The following RTKN variants were observed in gnomAD, a reference collection of about 807,000 sequenced individuals.
RTKN encodes rhotekin.
RTKN carries 49 observed loss-of-function variants against 63.5 expected under a neutral mutation model. The ratio of observed to expected loss-of-function variants is 0.77; its 90% CI spans 0.61 to 0.98. The LOEUF (loss-of-function observed/expected upper bound fraction) is 0.98, where lower values mean the gene tolerates loss of function less well. Ranked by LOEUF, RTKN falls within the 50% of genes least tolerant of loss-of-function variation. The probability of loss-of-function intolerance (pLI) is 0.00; values close to 1 mark genes in which losing one functional copy is unlikely to be tolerated. For missense variants in RTKN, 685 were observed against 740.8 expected (o/e 0.92, Z 0.87); for synonymous variants, 295 against 290.4 (o/e 1.02, Z -0.16).
In RTKN at chr2:74,426,293, C is replaced by T. The variant is rs2103867901; in HGVS notation, c.1642G>A (p.Gly548Ser). The part of the protein sequence containing the change: ...LPPQRSPRTR[G>S]LCSKGQPRTW... ...CGAGGTTGGCCTTTGCTGCAGAGGC[C>T]TCTGGTCCGTGGGGATCGCTGAGGT... Residue 548 changes from glycine (G) to serine (S), a missense_variant, in exon 12 of 12, where the codon GGC (glycine) becomes AGC (serine). Coordinates refer to ENST00000272430, the MANE Select transcript of RTKN (RefSeq NM_001015055.2). 6.2e-7 allele frequency: 1 copy of T among 1,614,070 alleles called. No homozygotes were observed. Among genetic ancestry groups the T allele is most frequent in the East Asian group, 2.2e-5 (1 of 44,876 alleles).
At position 74,426,281 on chromosome 2, in the gene RTKN, T is replaced by C; in HGVS notation, c.1654A>G (p.Lys552Glu). The part of the protein sequence containing the change: ...RSPRTRGLCS[K>E]GQPRTWLQSP... ...TGGAGCCAAGTGCGAGGTTGGCCTT[T>C]GCTGCAGAGGCCTCTGGTCCGTGGG... is the stretch of plus-strand genomic sequence containing the variant. The change falls in exon 12 of 12, where the codon AAA becomes GAA. Residue 552 changes from lysine (K) to glutamate (E), a missense_variant. By Grantham distance (56) the Lys-to-Glu change is moderately conservative. Transcript: ENST00000272430. 2 of 1,614,094 alleles carry C rather than the reference T, an allele frequency of 1.2e-6. No individual in the cohort carries two copies. Among genetic ancestry groups the C allele is most frequent in the Non-Finnish European group, 1.7e-6 (2 of 1,180,006 alleles).
rs749760622 is a variant in RTKN at position 74,426,556 on chromosome 2, TCATC to T, written c.1375_1378del (p.Asp459ThrfsTer5). The stretch of plus-strand genomic sequence containing the variant: ...CAGGATGTCTGTCACCGCTGCGATG[TCATC>T]CAGCGGCTCAATAGCTGTGGCACCA... On this transcript the variant is annotated frameshift_variant, in exon 12 of 12. Coordinates refer to ENST00000272430, the MANE Select transcript of RTKN (RefSeq NM_001015055.2). LOFTEE classifies it high-confidence loss of function. 2 of 1,532,172 alleles carry T rather than the reference TCATC, an allele frequency of 1.3e-6. No individual in the cohort carries two copies. Among genetic ancestry groups the T allele is most frequent in the Non-Finnish European group, 1.8e-6 (2 of 1,137,252 alleles). The allele number at this position is 1,532,172 out of a possible 1,614,324, so 94.9% of individuals were successfully genotyped here.
In RTKN at chr2:74,429,987, C is replaced by A; in HGVS notation, c.596G>T (p.Cys199Phe). 1 of 1,614,252 alleles carries A rather than the reference C, an allele frequency of 6.2e-7. No homozygotes were observed. The highest frequency in any genetic ancestry group is 8.5e-7 in the Non-Finnish European group (1 of 1,180,042). ...FELRLELYGA[C>F]VEEEGALTGG... ...AGTCAGGGCCCCCTCTTCTTCCACA[C>A]AGGCCCCATACAGCTCTAACCGCAG... Residue 199 changes from cysteine to phenylalanine, a missense_variant, in exon 6 of 12, where the codon TGT (cysteine) becomes TTT (phenylalanine). Transcript: ENST00000272430.
At position 74,427,408 on chromosome 2, in the gene RTKN, C is replaced by T; in HGVS notation, c.1255+16G>A. On this transcript the variant is annotated intron_variant, in intron 10 of 11. Transcript: ENST00000272430. The stretch of plus-strand genomic sequence containing the variant: ...AGTTCTTCCCAAAGGTTCAACCCAG[C>T]CCCCTTCTCTCTTACTCATGTCAAA... 6.2e-7 allele frequency: 1 copy of T among 1,613,664 alleles called. No individual in the cohort carries two copies. Among genetic ancestry groups the T allele is most frequent in the East Asian group, 2.2e-5 (1 of 44,884 alleles).
At chr2:74,439,176 C>T (rs886785359) in intron 1 of RTKN, among the ~76,000 whole-genome samples, 1 of 152,208 alleles carries the variant, frequency 6.6e-6, no homozygotes, top group South Asian at 2.1e-4. Context: ...CCAGCAGAAT[C>T]CTTACTCATA....
At position 74,426,246 on chromosome 2, in the gene RTKN, C is replaced by T. The variant is rs1670379604; in HGVS notation, c.1689G>A (p.Val563=). The T allele has an allele frequency of 1.2e-6, 2 of 1,613,576 alleles. No individual in the cohort carries two copies. Among genetic ancestry groups the T allele is most frequent in the African/African-American group, 1.3e-5 (1 of 74,930 alleles). ...GQPRTWLQSP[V] Reference sequence around the variant, plus strand: ...CCTATGCCAGCACCTTTCTCTCTCACACTGGTGACTGGAGCCAAGTGCGAG... The same window carrying T: ...CCTATGCCAGCACCTTTCTCTCTCATACTGGTGACTGGAGCCAAGTGCGAG... The change falls in exon 12 of 12, where the codon GTG becomes GTA. Residue 563 remains valine, a synonymous_variant. Coordinates refer to ENST00000272430, the MANE Select transcript of RTKN (RefSeq NM_001015055.2).
At chr2:74,439,563 T>C (rs1558552277) in intron 1 of RTKN, 1 of 1,614,092 alleles carries the variant, frequency 6.2e-7, no homozygotes, top group South Asian at 1.1e-5. Flanking sequence ...CCAGGCTGAG[T>C]GCCATCTGCC....
chr2:74,430,565 C>T (rs1558543113), intron 3 of RTKN, 47 bp from the exon 4 acceptor site: 7 of 1,613,584 alleles, frequency 4.3e-6, no homozygotes, highest in Non-Finnish European at 5.1e-6. Flanking sequence ...GGGCAGGAGG[C>T]CGTGTGCTTG....
rs551996040 is a variant in RTKN, at chr2:74,437,393, C to T, written c.111+4313G>A. Among the ~76,000 whole-genome samples, 5 of 152,252 alleles carry T rather than the reference C, an allele frequency of 3.3e-5. No individual in the cohort carries two copies. In the South Asian group the frequency reaches 8.3e-4, roughly 25 times the overall value. On this transcript the variant is annotated intron_variant, in intron 1 of 11. Transcript: ENST00000272430. Reference sequence around the variant, plus strand: ...CATCAATGGGTCTCTCTTTTGAGGACCTGCTGAACTTGGTTGAGAAAGAAC... The same window carrying T: ...CATCAATGGGTCTCTCTTTTGAGGATCTGCTGAACTTGGTTGAGAAAGAAC...
At chr2:74,441,594 G>T in intron 1 of RTKN, 112 bp downstream of exon 1, 1 of 737,878 alleles carries the variant, frequency 1.4e-6, no homozygotes. Flanking sequence ...TTTGTACCCA[G>T]ACCGTGCGTC....
In RTKN at chr2:74,430,326, T is replaced by C; in HGVS notation, c.471A>G (p.Glu157=). 6.2e-7 allele frequency: 1 copy of C among 1,614,128 alleles called. No individual in the cohort carries two copies. Among genetic ancestry groups the C allele is most frequent in the Non-Finnish European group, 8.5e-7 (1 of 1,179,992 alleles). ...GGATCATCTCTGTGTCCTGGATGTG[T>C]TCCCCCAGCTGCAGCAGCAGGAACA... The part of the protein sequence containing the change: ...WAVFLLLQLG[E]HIQDTEMILV... Residue 157 remains glutamate (E), a synonymous_variant, in exon 5 of 12, where the codon GAA becomes GAG. Coordinates refer to ENST00000272430, the MANE Select transcript of RTKN (RefSeq NM_001015055.2).
At chr2:74,428,535 C>G in intron 8 of RTKN, 96 bp downstream of exon 8, 1 of 1,551,234 alleles carries the variant, frequency 6.4e-7, no homozygotes, top group Non-Finnish European at 8.8e-7. Context: ...ATTTCTTCCA[C>G]CCAAATCTTG....
chr2:74,439,720 C>CA, intron 1 of RTKN: 1 of 1,563,938 alleles, frequency 6.4e-7, no homozygotes, highest in Non-Finnish European at 8.7e-7. Flanking sequence ...ACTGTTCCCT[C>CA]AGTCTTTAAA....
intron 1 of RTKN, among the ~76,000 whole-genome samples, chr2:74,441,047 G>A (rs931835860): frequency 1.3e-5 from 2 of 152,244 alleles, no homozygotes; most frequent in Admixed American, 1.3e-4. Flanking sequence ...CTAGCCCTTA[G>A]GGCGTTACAG....
At chr2:74,439,669 G>C (rs1349416031) in intron 1 of RTKN, 1 of 1,611,092 alleles carries the variant, frequency 6.2e-7, no homozygotes, top group East Asian at 2.2e-5. Context: ...CTCCAGAGGG[G>C]GGACAGATAG....
chr2:74,428,756 C>G lies in RTKN; in HGVS notation c.851-19G>C. ...TTCTCCTCTGGGGGAGGAGGAAGTG[C>G]AGGGTGAGGTAGGGGAATGAGAAGG... On this transcript the variant is annotated intron_variant, in intron 7 of 11. Transcript: ENST00000272430. 6.2e-7 allele frequency: 1 copy of G among 1,611,278 alleles called. No individual in the cohort carries two copies. Among genetic ancestry groups the G allele is most frequent in the Non-Finnish European group, 8.5e-7 (1 of 1,177,966 alleles).
In RTKN at chr2:74,432,586, CT is replaced by C. The variant is rs760562030; in HGVS notation, c.191del (p.Gln64ArgfsTer13). 6.2e-7 allele frequency: 1 copy of C among 1,613,878 alleles called. No homozygotes were observed. The highest frequency in any genetic ancestry group is 1.3e-5 in the African/African-American group (1 of 74,912). On this transcript the variant is annotated frameshift_variant, in exon 2 of 12. Coordinates refer to ENST00000272430, the MANE Select transcript of RTKN (RefSeq NM_001015055.2). LOFTEE classifies it high-confidence loss of function. ...GACKLLAACS[Q>X]REQALEATKS... ...TGGTGGCCTCCAGAGCCTGCTCTCGCTGGGAGCAGGCTGCCAGCAGCTTACA... is the reference window on the plus strand; with the variant it reads ...TGGTGGCCTCCAGAGCCTGCTCTCGCGGGAGCAGGCTGCCAGCAGCTTACA...
intron 1 of RTKN, among the ~76,000 whole-genome samples, chr2:74,433,018 C>T (rs1166337454): frequency 1.3e-5 from 2 of 151,930 alleles, no homozygotes; most frequent in African/African-American, 2.4e-5. Flanking sequence ...CAGAGGCAGG[C>T]GGATCACAAG....
Position 74,426,488 on chromosome 2 carries a change from G to T in RTKN, c.1447C>A (p.Leu483Met), listed in dbSNP as rs199673704. 26 of 1,599,426 alleles carry T rather than the reference G, an allele frequency of 1.6e-5. No homozygotes were observed. In the Admixed American group the frequency reaches 3.9e-4, roughly 24 times the overall value. ...GARLETPPPWLAMFTDQPALP... is the reference protein window; with the variant it reads ...GARLETPPPWMAMFTDQPALP... ...GCAGGCTGGTCTGTAAACATTGCCA[G>T]CCAGGGTGGGGGTGTCTCCAGCCTT... The change falls in exon 12 of 12, where the codon CTG becomes ATG. Residue 483 changes from leucine to methionine, a missense_variant. Physicochemically the swap from Leu to Met is conservative, Grantham distance 15 (BLOSUM62 2). Transcript: ENST00000272430.
Sources: allele counts gnomAD v4.1 joint callset (sites outside exome capture counted in the v4.1 genomes callset), GRCh38; gene constraint gnomAD v4.1.1; transcripts MANE v1.5; gene names NCBI Gene and HGNC (gene_info 2026-07-23, HGNC 2026-07-21).